Variants in FAM193A observed in about 807,000 individuals in gnomAD.
FAM193A encodes family with sequence similarity 193 member A.
In FAM193A, 22 loss-of-function variants were observed where a neutral mutation model predicts 126.5. The ratio of observed to expected loss-of-function variants is 0.17; its 90% CI spans 0.12 to 0.25. The LOEUF (loss-of-function observed/expected upper bound fraction) is 0.25, where lower values mean the gene tolerates loss of function less well. FAM193A is among the 10% of genes least tolerant of loss of function. FAM193A has a pLI of 1.00. For synonymous variants in FAM193A, 761 were observed against 646.8 expected (o/e 1.18, Z -2.68); for missense variants, 1,675 against 1,672.8 (o/e 1.00, Z -0.02).
chr4:2,617,682 A>G (rs1742295112), intron 2 of FAM193A, among the ~76,000 whole-genome samples: 1 of 152,162 alleles, frequency 6.6e-6, no homozygotes, highest in African/African-American at 2.4e-5. Flanking sequence ...ACTCTCAAAG[A>G]ATAGTATACC....
intron 2 of FAM193A, among the ~76,000 whole-genome samples, chr4:2,597,427 C>T (rs1740927038): frequency 6.6e-6 from 1 of 152,132 alleles, no homozygotes; most frequent in Admixed American, 6.5e-5. Flanking sequence ...ATCAGCTCTT[C>T]TTCCGACTCC....
At chr4:2,590,485 A>G (rs569128043) in intron 1 of FAM193A, among the ~76,000 whole-genome samples, 1 of 83,804 alleles carries the variant, frequency 1.2e-5, no homozygotes, top group East Asian at 2.9e-4. Context: ...ACAAAAAAAA[A>G]CAAAAAAAAA....
chr4:2,618,854 C>T (rs1742367757), intron 2 of FAM193A, among the ~76,000 whole-genome samples: 1 of 152,042 alleles, frequency 6.6e-6, no homozygotes, highest in Admixed American at 6.6e-5. Context: ...CCTCGGCCTC[C>T]CAAAGTGTTG....
intron 16 of FAM193A, among the ~76,000 whole-genome samples, chr4:2,694,489 G>A (rs890289174): frequency 2.0e-5 from 3 of 152,010 alleles, no homozygotes; most frequent in Admixed American, 6.6e-5. Flanking sequence ...GGCTGATCTC[G>A]AACTCCTGAC....
intron 1 of FAM193A, among the ~76,000 whole-genome samples, chr4:2,576,191 G>A (rs1739577405): frequency 6.6e-6 from 1 of 152,142 alleles, no homozygotes; most frequent in African/African-American, 2.4e-5. Flanking sequence ...CCACCTCCCA[G>A]GTTCAAGTGA....
At chr4:2,696,255 A>G in intron 17 of FAM193A, 108 bp from the exon 18 acceptor site, 1 of 730,548 alleles carries the variant, frequency 1.4e-6, no homozygotes, top group Non-Finnish European at 2.2e-6. Flanking sequence ...TTTCACAACA[A>G]ATATATACTA....
rs1195376223 is a variant in FAM193A, at chr4:2,626,399, TTG to T, written c.636-9_636-8del. 1 of 697,878 alleles carries T rather than the reference TTG, an allele frequency of 1.4e-6. No homozygotes were observed. The highest frequency in any genetic ancestry group is 2.6e-6 in the Non-Finnish European group (1 of 380,728). The allele number at this position is 697,878 out of a possible 1,614,324, so 43.2% of individuals were successfully genotyped here. ...GTGGTGACTTTCTAACCTTCCTGTG[TTG>T]TCTCACAGAGAAATTTCGGCAGAGG... is the stretch of plus-strand genomic sequence containing the variant. On this transcript the variant is annotated splice_polypyrimidine_tract_variant and intron_variant, in intron 3 of 20. Transcript: ENST00000637812.
At chr4:2,668,213 C>CTT (rs71644347) in intron 12 of FAM193A, among the ~76,000 whole-genome samples, 1,449 of 137,578 alleles carry the variant, frequency 0.011, 11 homozygotes, top group Non-Finnish European at 0.016. Flanking sequence ...CAATATGCAT[C>CTT]TTTTTTTTTT....
At chr4:2,620,164 C>T (rs929955636) in intron 2 of FAM193A, among the ~76,000 whole-genome samples, 1 of 152,142 alleles carries the variant, frequency 6.6e-6, no homozygotes, top group African/African-American at 2.4e-5. Context: ...GAGGTTAAAT[C>T]TGTATATGAT....
At chr4:2,537,838 G>A (rs192996550) in intron 1 of FAM193A, among the ~76,000 whole-genome samples, 7 of 152,298 alleles carry the variant, frequency 4.6e-5, no homozygotes, top group Admixed American at 1.3e-4. Flanking sequence ...TTAGTGGTTT[G>A]GTTACTCAGG....
At position 2,732,134 on chromosome 4, in the gene FAM193A, G is replaced by A. The variant is rs562082142; in HGVS notation, c.*266G>A. On this transcript the variant is annotated 3_prime_UTR_variant, in exon 21 of 21. Coordinates refer to ENST00000637812, the MANE Select transcript of FAM193A (RefSeq NM_001366318.2). The stretch of plus-strand genomic sequence containing the variant: ...TCCCGCCAAGTCCTCCCACCACCGC[G>A]GCCTCGGAGGCCTGGGCCGTGGCCA... 3.1e-5 allele frequency: 15 copies of A among 490,196 alleles called. No individual in the cohort carries two copies. The East Asian group carries it at 3.8e-4, about 12-fold the overall frequency. 30.4% of individuals were successfully genotyped at this position (490,196 alleles called of 1,614,324 possible).
chr4:2,660,302 A>C (rs891923200), intron 10 of FAM193A, among the ~76,000 whole-genome samples: 4 of 152,020 alleles, frequency 2.6e-5, no homozygotes, highest in African/African-American at 9.7e-5. Context: ...GTTGGTATGC[A>C]GAGAAGAAGT....
chr4:2,595,034 G>A (rs1411470272), intron 1 of FAM193A, among the ~76,000 whole-genome samples: 1 of 149,902 alleles, frequency 6.7e-6, no homozygotes, highest in African/African-American at 2.4e-5. Context: ...CACCATGTTG[G>A]CCAGGCTGGA....
chr4:2,662,197 A>T (rs1258894764), intron 10 of FAM193A, among the ~76,000 whole-genome samples: 1 of 152,156 alleles, frequency 6.6e-6, no homozygotes, highest in Admixed American at 6.6e-5. Context: ...AAATAATAAA[A>T]TAAAATAAAA....
chr4:2,727,377 G>T (rs1331645432), intron 20 of FAM193A, among the ~76,000 whole-genome samples: 3 of 152,132 alleles, frequency 2.0e-5, no homozygotes, highest in Admixed American at 2.0e-4. Flanking sequence ...GTCACTTAAG[G>T]ATGTAAATCT....
intron 7 of FAM193A, among the ~76,000 whole-genome samples, chr4:2,650,770 A>C (rs73791845): frequency 1.3e-5 from 2 of 152,126 alleles, no homozygotes; most frequent in Non-Finnish European, 2.9e-5. Context: ...GACCCTGCCT[A>C]CCTTTACCAA....
chr4:2,730,547 G>A (rs1283734388), intron 20 of FAM193A, among the ~76,000 whole-genome samples: 1 of 152,096 alleles, frequency 6.6e-6, no homozygotes, highest in African/African-American at 2.4e-5. Flanking sequence ...GAAATTAGCT[G>A]GGCGTGGTGA....
chr4:2,596,040 TG>T, intron 1 of FAM193A, 43 bp from the exon 2 acceptor site: 1 of 670,568 alleles, frequency 1.5e-6, no homozygotes, highest in African/African-American at 1.8e-5. Context: ...TTCTTGGCTT[TG>T]TAGATGAGGT....
intron 1 of FAM193A, among the ~76,000 whole-genome samples, chr4:2,579,370 G>A (rs371134816): frequency 1.5e-4 from 23 of 151,876 alleles, no homozygotes; most frequent in African/African-American, 4.8e-4. Context: ...GTGGTGGTAC[G>A]CGCCTGTAAT....
Sources: gnomAD v4.1 joint callset for allele counts (sites outside exome capture counted in the v4.1 genomes callset) on GRCh38, gnomAD v4.1.1 for gene constraint, MANE v1.5 for transcripts, NCBI Gene and HGNC (gene_info 2026-07-23, HGNC 2026-07-21) for gene names.